The following KIAA0513 variants were observed in gnomAD, a reference collection of about 807,000 sequenced individuals.
KIAA0513 encodes KIAA0513.
Under a neutral mutation model 56.5 loss-of-function variants are expected in KIAA0513, and 39 were observed. That is an observed-to-expected ratio of 0.69 (90% CI 0.53 to 0.90). The LOEUF (loss-of-function observed/expected upper bound fraction) is 0.90, where lower values mean the gene tolerates loss of function less well. Among genes scored for constraint, KIAA0513 ranks in the 40% least tolerant of loss-of-function variants. KIAA0513 has a pLI of 0.00. For synonymous variants in KIAA0513, 268 were observed against 215.6 expected (o/e 1.24, Z -2.13); for missense variants, 591 against 535.2 (o/e 1.10, Z -1.03).
In KIAA0513 at chr16:85,081,283, GGA is replaced by G; in HGVS notation, c.903-26_903-25del. The G allele has an allele frequency of 1.9e-6, 3 of 1,608,802 alleles. No homozygotes were observed. The highest frequency in any genetic ancestry group is 2.6e-6 in the Non-Finnish European group (3 of 1,175,678). ...ACCCGTGTCCTCCCCGCCTCCCCTT[GGA>G]GAGAGTGTGACTGGGGCTCTGTCTT... On this transcript the variant is annotated intron_variant, in intron 8 of 12. Transcript: ENST00000683363. The surrounding 1 kb of genome is among the most constrained non-coding windows in gnomAD (Gnocchi z 4.4).
chr16:85,073,805 G>A (rs1164057909), intron 4 of KIAA0513, among the ~76,000 whole-genome samples: 4 of 152,120 alleles, frequency 2.6e-5, no homozygotes, highest in Non-Finnish European at 5.9e-5. Context: ...CCCTGCTTTG[G>A]GCCCCACGTC....
intron 1 of KIAA0513, among the ~76,000 whole-genome samples, chr16:85,033,144 C>G (rs1276055643): frequency 6.6e-6 from 1 of 152,188 alleles, no homozygotes; most frequent in Non-Finnish European, 1.5e-5. Flanking sequence ...GAGAAGCATT[C>G]ATGATCCTTA....
chr16:85,090,041 C>T lies in KIAA0513; in HGVS notation c.*1716C>T, dbSNP rs1219445347. 6.6e-6 allele frequency: 1 copy of T among 152,282 alleles called. No homozygotes were observed. The highest frequency in any genetic ancestry group is 1.5e-5 in the Non-Finnish European group (1 of 68,122). The allele number at this position is 152,282 out of a possible 1,614,324, so 9.4% of individuals were successfully genotyped here. A position where few individuals can be genotyped will look rare whatever the true frequency, so the allele number is the denominator to read the frequency against. ...GTGACCATGCTGCCAGTGTGCTCGC[C>T]ATGAGCTGGGTCAGGGCTGGGGAGT... is the stretch of plus-strand genomic sequence containing the variant. On this transcript the variant is annotated 3_prime_UTR_variant, in exon 13 of 13. Transcript: ENST00000683363.
chr16:85,051,801 T>C (rs1382102972), intron 1 of KIAA0513, among the ~76,000 whole-genome samples: 2 of 151,610 alleles, frequency 1.3e-5, no homozygotes, highest in African/African-American at 4.8e-5. Flanking sequence ...TCTTGGTAGC[T>C]CTCGCCTTTT....
In KIAA0513 at chr16:85,086,748, G is replaced by GGAGGGGA. The variant is rs777450634; in HGVS notation, c.1091+31_1091+37dup. ...GGGTAAGGGCCAGAGTGGGAAAGCG[G>GGAGGGGA]GAGGGGAGAGGGGGGAGGGCCCACC... On this transcript the variant is annotated intron_variant, in intron 11 of 12. Coordinates refer to ENST00000683363, the MANE Select transcript of KIAA0513 (RefSeq NM_001388359.1). 4 of 1,590,156 alleles carry GGAGGGGA rather than the reference G, an allele frequency of 2.5e-6. No homozygotes were observed. In the African/African-American group the frequency reaches 4.3e-5, roughly 17 times the overall value.
Position 85,081,326 on chromosome 16 carries a change from G to C in KIAA0513, c.914G>C (p.Arg305Thr), listed in dbSNP as rs764719255. The change falls in exon 9 of 13, where the codon AGG becomes ACG. Residue 305 changes from arginine (R) to threonine (T), a missense_variant. Transcript: ENST00000683363. This position sits in a 1 kb window ranked among gnomAD's most constrained non-coding sequence, Gnocchi z 4.4. ...GCTCTGTCTTGCAGGCACACTCTGA[G>C]GTTCTGGAATGCAGCCTTTTTTGAC... ...LKQQPIWHTL[R>T]FWNAAFFDAV... The C allele has an allele frequency of 6.2e-7, 1 of 1,611,488 alleles. No homozygotes were observed. Among genetic ancestry groups the C allele is most frequent in the South Asian group, 1.1e-5 (1 of 90,338 alleles).
chr16:85,058,842 T>C (rs1286155091), intron 1 of KIAA0513, among the ~76,000 whole-genome samples: 2 of 152,226 alleles, frequency 1.3e-5, no homozygotes, highest in Non-Finnish European at 2.9e-5. Flanking sequence ...AGAAAGCTAC[T>C]CTGCAGATGA....
intron 1 of KIAA0513, among the ~76,000 whole-genome samples, chr16:85,039,173 A>G (rs2073073949): frequency 6.6e-6 from 1 of 152,262 alleles, no homozygotes; most frequent in Non-Finnish European, 1.5e-5. Flanking sequence ...CTGCTGCTAT[A>G]GAGGTCACGG....
chr16:85,051,848 C>T (rs2073257217), intron 1 of KIAA0513, among the ~76,000 whole-genome samples: 1 of 150,424 alleles, frequency 6.6e-6, no homozygotes, highest in African/African-American at 2.4e-5. Flanking sequence ...GAGACGGGGT[C>T]TTGCTGTGTT....
chr16:85,086,276 T>C (rs1018122), intron 10 of KIAA0513, among the ~76,000 whole-genome samples: 108,207 of 152,224 alleles, frequency 0.71, 39,863 homozygotes, highest in African/African-American at 0.9. Context: ...GTTTCTCCCC[T>C]GAGGACAGGC....
intron 10 of KIAA0513, among the ~76,000 whole-genome samples, chr16:85,084,427 C>CCCTTTTTTTTTTTTTTTTTTTT (rs1567547574): frequency 1.1e-5 from 1 of 93,774 alleles, no homozygotes; most frequent in African/African-American, 4.3e-5. Flanking sequence ...TCTTTTCGTT[C>CCCTTTTTTTTTTTTTTTTTTTT]TCTTTTTTTT....
Position 85,071,930 on chromosome 16 carries a change from A to T in KIAA0513, c.429+48A>T, listed in dbSNP as rs187265714. On this transcript the variant is annotated intron_variant, in intron 3 of 12. Coordinates refer to ENST00000683363, the MANE Select transcript of KIAA0513 (RefSeq NM_001388359.1). The stretch of plus-strand genomic sequence containing the variant: ...GATGGGCGTTTACTCTCAAGGAAGA[A>T]TCTAGTGAAGCATAACAAATTTGAC... The T allele has an allele frequency of 8.8e-6, 11 of 1,247,650 alleles. No homozygotes were observed. In the African/African-American group the frequency reaches 1.5e-4, roughly 17 times the overall value. The allele number at this position is 1,247,650 out of a possible 1,614,324, so 77.3% of individuals were successfully genotyped here. A position where few individuals can be genotyped will look rare whatever the true frequency, so the allele number is the denominator to read the frequency against.
rs2073878437 is a variant in KIAA0513, at chr16:85,092,420, G to A, written c.*4095G>A. ...AATTAGAGGGTCCCTTTCTGCAGAG[G>A]AAGGGATGCTCGCAGGGTGGCAGTG... On this transcript the variant is annotated 3_prime_UTR_variant, in exon 13 of 13. Coordinates refer to ENST00000683363, the MANE Select transcript of KIAA0513 (RefSeq NM_001388359.1). 1 of 152,248 alleles carries A rather than the reference G, an allele frequency of 6.6e-6. No individual in the cohort carries two copies. The highest frequency in any genetic ancestry group is 1.5e-5 in the Non-Finnish European group (1 of 68,082). The allele number at this position is 152,248 out of a possible 1,614,324, so 9.4% of individuals were successfully genotyped here.
At chr16:85,060,201 T>C (rs926884951) in intron 1 of KIAA0513, among the ~76,000 whole-genome samples, 6 of 152,190 alleles carry the variant, frequency 3.9e-5, no homozygotes, top group Non-Finnish European at 8.8e-5. Context: ...CCTCAGGTGA[T>C]CCTCCTGCCT....
intron 1 of KIAA0513, among the ~76,000 whole-genome samples, chr16:85,035,430 C>G (rs2073021875): frequency 6.6e-6 from 1 of 152,232 alleles, no homozygotes. Flanking sequence ...AGGCTTTAAC[C>G]TCAAGTCTTT....
At chr16:85,083,459 C>A (rs1350410262) in intron 10 of KIAA0513, among the ~76,000 whole-genome samples, 1 of 151,968 alleles carries the variant, frequency 6.6e-6, no homozygotes. Flanking sequence ...GCCTAACAAA[C>A]ACCTCCTTTC....
chr16:85,042,983 C>T (rs1483360116), intron 1 of KIAA0513, among the ~76,000 whole-genome samples: 2 of 152,218 alleles, frequency 1.3e-5, no homozygotes, highest in Non-Finnish European at 2.9e-5. Context: ...TATATAACTT[C>T]TCTAACGGGT....
intron 11 of KIAA0513, 35 bp downstream of exon 11, chr16:85,086,759 G>T (rs757298850): frequency 2.4e-5 from 32 of 1,331,818 alleles, no homozygotes; most frequent in Admixed American, 4.6e-5. Context: ...GAGGGGAGAG[G>T]GGGGAGGGCC....
intron 1 of KIAA0513, among the ~76,000 whole-genome samples, chr16:85,058,547 G>T (rs1455552506): frequency 2.0e-5 from 3 of 151,876 alleles, no homozygotes; most frequent in African/African-American, 4.8e-5. Flanking sequence ...AGCTACTTGG[G>T]AGGCTGAGGC....
Sources: gnomAD v4.1 joint callset for allele counts (sites outside exome capture counted in the v4.1 genomes callset) on GRCh38, gnomAD v4.1.1 for gene constraint, Gnocchi (gnomAD v3.1) non-coding constraint, MANE v1.5 for transcripts, NCBI Gene and HGNC (gene_info 2026-07-23, HGNC 2026-07-21) for gene names.